EPHA5: variants seen among roughly 807,000 people sequenced by gnomAD.
EPHA5 encodes the protein EPH receptor A5, also known as ephrin type-A receptor 5.
EPHA5 carries 60 observed loss-of-function variants against 105.0 expected under a neutral mutation model. That is an observed-to-expected ratio of 0.57 (90% CI 0.46 to 0.71). The LOEUF is 0.71. EPHA5 is among the 30% of genes least tolerant of loss of function. The pLI is 0.00. For synonymous variants in EPHA5, 513 were observed against 449.1 expected (o/e 1.14, Z -1.80); for missense variants, 1,218 against 1,274.7 (o/e 0.96, Z 0.68).
At chr4:65,498,883 C>T (rs1180670282) in intron 3 of EPHA5, among the ~76,000 whole-genome samples, 2 of 151,640 alleles carry the variant, frequency 1.3e-5, no homozygotes, top group Admixed American at 6.6e-5. Flanking sequence ...TATTCATCAC[C>T]TTCAAATCAT....
intron 1 of EPHA5, among the ~76,000 whole-genome samples, chr4:65,656,465 T>C (rs1373790402): frequency 6.6e-6 from 1 of 151,102 alleles, no homozygotes. Flanking sequence ...TATTTCCACA[T>C]TCCATATGCA....
intron 2 of EPHA5, among the ~76,000 whole-genome samples, chr4:65,606,654 C>T (rs1744256878): frequency 6.6e-6 from 1 of 152,136 alleles, no homozygotes; most frequent in Non-Finnish European, 1.5e-5. Context: ...CTAATTGTAA[C>T]TGATAACTAA....
intron 3 of EPHA5, among the ~76,000 whole-genome samples, chr4:65,507,920 C>A (rs1248062350): frequency 6.6e-6 from 1 of 150,870 alleles, no homozygotes; most frequent in African/African-American, 2.5e-5. Context: ...AATAGATACC[C>A]AAATTCCCCA....
intron 3 of EPHA5, among the ~76,000 whole-genome samples, chr4:65,592,865 C>A (rs1033487976): frequency 1.3e-5 from 2 of 152,052 alleles, no homozygotes; most frequent in African/African-American, 4.8e-5. Flanking sequence ...TGTGTTGCAC[C>A]GTAAATGTTG....
chr4:65,406,491 G>A (rs549289258), intron 7 of EPHA5, among the ~76,000 whole-genome samples: 1 of 152,246 alleles, frequency 6.6e-6, no homozygotes, highest in Non-Finnish European at 1.5e-5. Flanking sequence ...TGCTTTGTCA[G>A]TTCTGATGGC....
chr4:65,464,121 T>C (rs1233556183), intron 5 of EPHA5, among the ~76,000 whole-genome samples: 1 of 151,744 alleles, frequency 6.6e-6, no homozygotes, highest in Non-Finnish European at 1.5e-5. Flanking sequence ...CAGAGTAACA[T>C]GAAATATAAA....
intron 3 of EPHA5, among the ~76,000 whole-genome samples, chr4:65,578,497 A>G (rs1425771628): frequency 2.0e-5 from 3 of 152,170 alleles, no homozygotes; most frequent in Non-Finnish European, 2.9e-5. Flanking sequence ...CTCCAACTGC[A>G]CATGCTCTAA....
At chr4:65,356,201 T>A (rs1723281224) in intron 11 of EPHA5, among the ~76,000 whole-genome samples, 1 of 151,574 alleles carries the variant, frequency 6.6e-6, no homozygotes, top group Admixed American at 6.6e-5. Context: ...TACAGCACTT[T>A]CAGTTTCTTT....
chr4:65,334,097 T>C (rs1233089880), intron 15 of EPHA5, among the ~76,000 whole-genome samples: 1 of 151,932 alleles, frequency 6.6e-6, no homozygotes, highest in African/African-American at 2.4e-5. Flanking sequence ...AATTCAACTC[T>C]CACTCCCCAC....
At chr4:65,575,264 T>C (rs1236578043) in intron 3 of EPHA5, among the ~76,000 whole-genome samples, 1 of 149,490 alleles carries the variant, frequency 6.7e-6, no homozygotes, top group African/African-American at 2.4e-5. Context: ...CAACCTTGGA[T>C]GGTCAGCTAC....
intron 3 of EPHA5, among the ~76,000 whole-genome samples, chr4:65,561,883 G>A (rs1212004900): frequency 6.6e-6 from 1 of 151,986 alleles, no homozygotes. Flanking sequence ...AAATTTCTTT[G>A]CAGCTCTCAA....
At chr4:65,648,438 A>T (rs923648393) in intron 1 of EPHA5, among the ~76,000 whole-genome samples, 1 of 152,194 alleles carries the variant, frequency 6.6e-6, no homozygotes, top group Admixed American at 6.5e-5. Context: ...ATGTGATCCC[A>T]CCATATACCA....
intron 16 of EPHA5, chr4:65,331,011 G>A: frequency 9.6e-7 from 1 of 1,043,742 alleles, no homozygotes. Flanking sequence ...ATCAAAGAAT[G>A]TCAGAATAAT....
chr4:65,370,572 C>T (rs558924186), intron 8 of EPHA5, among the ~76,000 whole-genome samples: 12 of 152,210 alleles, frequency 7.9e-5, no homozygotes, highest in South Asian at 6.2e-4. Flanking sequence ...AAATAATACG[C>T]TTTCAAAATT....
intron 5 of EPHA5, among the ~76,000 whole-genome samples, chr4:65,490,009 A>G (rs1731248084): frequency 6.6e-6 from 1 of 152,206 alleles, no homozygotes; most frequent in South Asian, 2.1e-4. Flanking sequence ...CACATGCTAA[A>G]TTAATGAGTT....
At position 65,322,960 on chromosome 4, in the gene EPHA5, T is replaced by C. The variant is rs1719755983; in HGVS notation, c.*1154A>G. On this transcript the variant is annotated 3_prime_UTR_variant, in exon 17 of 17. Transcript: ENST00000613740. ...CACTTAAGGGTGATGCTTCGTGCTA[T>C]GTGCCTGGATTTAACAACATTAACA... The C allele has an allele frequency of 4.4e-6, 1 of 229,150 alleles. No homozygotes were observed. Among genetic ancestry groups the C allele is most frequent in the African/African-American group, 2.2e-5 (1 of 45,064 alleles). The allele number at this position is 229,150 out of a possible 1,614,324, so 14.2% of individuals were successfully genotyped here.
chr4:65,406,747 T>C (rs573887494), intron 7 of EPHA5, among the ~76,000 whole-genome samples: 2 of 152,238 alleles, frequency 1.3e-5, no homozygotes, highest in East Asian at 3.9e-4. Flanking sequence ...GTTTAGCCCT[T>C]TGTTTGGATT....
chr4:65,609,610 A>AT (rs11420498), intron 2 of EPHA5, among the ~76,000 whole-genome samples: 118,649 of 148,568 alleles, frequency 0.8, 49,416 homozygotes, highest in Non-Finnish European at 0.91. Flanking sequence ...CAAGCTAGAT[A>AT]TTTTTTTTTC....
intron 3 of EPHA5, among the ~76,000 whole-genome samples, chr4:65,595,704 C>T (rs1039168675): frequency 6.6e-6 from 1 of 151,882 alleles, no homozygotes; most frequent in East Asian, 1.9e-4. Context: ...CCTCAACCTC[C>T]CGAGTAGCTG....
Sources: gnomAD v4.1 joint callset for allele counts (sites outside exome capture counted in the v4.1 genomes callset) on GRCh38, gnomAD v4.1.1 for gene constraint, MANE v1.5 for transcripts, NCBI Gene and HGNC (gene_info 2026-07-23, HGNC 2026-07-21) for gene names.